KDM2B: variants seen among roughly 807,000 people sequenced by gnomAD.
The protein encoded by KDM2B is lysine demethylase 2B.
Under a neutral mutation model 150.0 loss-of-function variants are expected in KDM2B, and 26 were observed. The ratio of observed to expected loss-of-function variants is 0.17; its 90% CI spans 0.13 to 0.24. The LOEUF is 0.24. Ranked by LOEUF, KDM2B falls within the 10% of genes least tolerant of loss-of-function variation. KDM2B has a pLI of 1.00. For synonymous variants in KDM2B, 734 were observed against 729.5 expected (o/e 1.01, Z -0.10); for missense variants, 1,265 against 1,816.9 (o/e 0.70, Z 5.52).
intron 1 of KDM2B, chr12:121,579,631 C>T (rs1555317535): frequency 7.5e-7 from 1 of 1,331,076 alleles, no homozygotes; most frequent in Admixed American, 2.2e-5. Context: ...CCTCATCTCC[C>T]CACAAGCGCG....
chr12:121,416,051 C>G, the KDM2B span: 1 of 838,540 alleles, frequency 1.2e-6, no homozygotes, highest in Non-Finnish European at 1.9e-6. Flanking sequence ...ATAGTAATCT[C>G]AAAGTTATTG....
At chr12:121,459,084 CAAA>C (rs60165748) in intron 12 of KDM2B, among the ~76,000 whole-genome samples, 4 of 102,388 alleles carry the variant, frequency 3.9e-5, no homozygotes, top group Non-Finnish European at 4.1e-5. Flanking sequence ...GACTCTGCCT[CAAA>C]AAAAAAAAAA....
At chr12:121,526,529 G>A (rs1555306807) in intron 8 of KDM2B, among the ~76,000 whole-genome samples, 2 of 151,994 alleles carry the variant, frequency 1.3e-5, no homozygotes, top group African/African-American at 4.8e-5. Context: ...CTCTGACCTG[G>A]TCACTGTGAG....
At chr12:121,444,341 AG>A in intron 15 of KDM2B, 69 bp from the exon 16 acceptor site, 1 of 1,607,436 alleles carries the variant, frequency 6.2e-7, no homozygotes, top group Non-Finnish European at 8.5e-7. Context: ...CCTCCTCCCC[AG>A]GCCGACGGCA....
intron 8 of KDM2B, among the ~76,000 whole-genome samples, chr12:121,525,016 G>A (rs1887008519): frequency 6.6e-6 from 1 of 152,162 alleles, no homozygotes; most frequent in Non-Finnish European, 1.5e-5. Flanking sequence ...GGCTTTAGCA[G>A]GAATAAACCT....
chr12:121,481,219 C>T (rs1333844393), intron 12 of KDM2B, among the ~76,000 whole-genome samples: 1 of 152,162 alleles, frequency 6.6e-6, no homozygotes, highest in East Asian at 1.9e-4. Context: ...AGCCACCGGG[C>T]CCAGCCGATG....
intron 12 of KDM2B, chr12:121,494,061 T>C (rs4980995): frequency 0.42 from 64,717 of 153,902 alleles, 13,939 homozygotes; most frequent in Middle Eastern, 0.53. Context: ...TTTTGCCATG[T>C]TGGCCAGGCT....
Position 121,557,636 on chromosome 12 carries a change from A to T in KDM2B, c.398-7998T>A, listed in dbSNP as rs139241627. Among the ~76,000 whole-genome samples the T allele has an allele frequency of 5.0e-3, 760 of 152,308 alleles. 21 individuals carry two copies. The highest frequency in any genetic ancestry group is 0.044 in the Admixed American group (673 of 15,280). On this transcript the variant is annotated intron_variant, in intron 4 of 22. Coordinates refer to ENST00000377071, the MANE Select transcript of KDM2B (RefSeq NM_032590.5). ...GTGACGCAGCTACAAGCCAAGGCGC[A>T]CTAAGCACTGCCAGCCACCACCAGA...
Position 121,445,114 on chromosome 12 carries a change from C to T in KDM2B, c.2103+161G>A, listed in dbSNP as rs936542776. On this transcript the variant is annotated intron_variant, in intron 14 of 22. Transcript: ENST00000377071. ...CTGGGTCTCTGAGGTACTCCAGGCCCTCCTTGCCCCGGGCTTATCCCTTGA... is the reference window on the plus strand; with the variant it reads ...CTGGGTCTCTGAGGTACTCCAGGCCTTCCTTGCCCCGGGCTTATCCCTTGA... 3.0e-5 allele frequency: 23 copies of T among 759,506 alleles called. No homozygotes were observed. In the Admixed American group the frequency reaches 4.9e-4, roughly 16 times the overall value. The allele number at this position is 759,506 out of a possible 1,614,324, so 47.0% of individuals were successfully genotyped here.
chr12:121,521,359 C>CA lies in KDM2B; in HGVS notation c.932-260dup, dbSNP rs1886675739. On this transcript the variant is annotated intron_variant, in intron 8 of 22. Transcript: ENST00000377071. The surrounding 1 kb of genome is among the most constrained non-coding windows in gnomAD (Gnocchi z 4.9). The stretch of plus-strand genomic sequence containing the variant: ...AGCTGGGAAGCTGCAGATCAGCCCC[C>CA]ACTTCTTGAGGACCGTGATGACAAA... Among the ~76,000 whole-genome samples, 1 of 152,160 alleles carries CA rather than the reference C, an allele frequency of 6.6e-6. No individual in the cohort carries two copies.
At chr12:121,441,680 G>A (rs757449481) in intron 19 of KDM2B, among the ~76,000 whole-genome samples, 2 of 152,004 alleles carry the variant, frequency 1.3e-5, no homozygotes, top group East Asian at 3.9e-4. Flanking sequence ...CAAGTGATCC[G>A]CCCGCAAAGC....
At position 121,574,460 on chromosome 12, in the gene KDM2B, T is replaced by C. The variant is rs891180865; in HGVS notation, c.397+87A>G. 3.1e-6 allele frequency: 4 copies of C among 1,308,744 alleles called. No individual in the cohort carries two copies. The African/African-American group carries it at 4.4e-5, about 14-fold the overall frequency. The allele number at this position is 1,308,744 out of a possible 1,614,324, so 81.1% of individuals were successfully genotyped here. A position where few individuals can be genotyped will look rare whatever the true frequency, so the allele number is the denominator to read the frequency against. On this transcript the variant is annotated intron_variant, in intron 4 of 22. Coordinates refer to ENST00000377071, the MANE Select transcript of KDM2B (RefSeq NM_032590.5). ...TGGGGACTTTGTTTTGAGAGGCAGTTAAAAGTCTAAATGGGCAGGTGGTGA... is the reference window on the plus strand; with the variant it reads ...TGGGGACTTTGTTTTGAGAGGCAGTCAAAAGTCTAAATGGGCAGGTGGTGA...
At chr12:121,573,745 G>A (rs1310164420) in intron 4 of KDM2B, among the ~76,000 whole-genome samples, 5 of 151,956 alleles carry the variant, frequency 3.3e-5, no homozygotes, top group Admixed American at 6.6e-5. Context: ...CCGCCACCAC[G>A]CCTGGCTAAT....
the KDM2B span, among the ~76,000 whole-genome samples, chr12:121,415,636 A>G: frequency 6.6e-6 from 1 of 151,888 alleles, no homozygotes; most frequent in East Asian, 1.9e-4. Context: ...TTTATTTTAA[A>G]TAAATAAATA....
At chr12:121,494,354 C>T in intron 12 of KDM2B, 1 of 472,028 alleles carries the variant, frequency 2.1e-6, no homozygotes, top group Non-Finnish European at 3.8e-6. Flanking sequence ...CCCCAGTTTT[C>T]CAAGTGACCA....
chr12:121,445,245 A>G, intron 14 of KDM2B, 30 bp downstream of exon 14: 2 of 1,607,080 alleles, frequency 1.2e-6, no homozygotes, highest in Non-Finnish European at 1.7e-6. Context: ...CCAGAGCGTC[A>G]GCACCACCTG....
rs1878915146 is a variant in KDM2B, at chr12:121,460,284, T to C, written c.1735-6940A>G. Reference sequence around the variant, plus strand: ...AAAGAAAGACATGCAACCACATAAATGCAATGCAACATCATTATGATGACA... The same window carrying C: ...AAAGAAAGACATGCAACCACATAAACGCAATGCAACATCATTATGATGACA... On this transcript the variant is annotated intron_variant, in intron 12 of 22. Transcript: ENST00000377071. Among the ~76,000 whole-genome samples the C allele has an allele frequency of 2.0e-5, 3 of 152,334 alleles. No individual in the cohort carries two copies. In the Middle Eastern group the frequency reaches 0.01, roughly 518 times the overall value.
At chr12:121,440,405 C>T in intron 21 of KDM2B, 1 of 428,624 alleles carries the variant, frequency 2.3e-6, no homozygotes, top group Non-Finnish European at 4.3e-6. Flanking sequence ...GCAGTCCAGC[C>T]CAGTCCAGGG....
intron 13 of KDM2B, among the ~76,000 whole-genome samples, chr12:121,449,091 G>C (rs1237911729): frequency 6.6e-6 from 1 of 152,076 alleles, no homozygotes; most frequent in African/African-American, 2.4e-5. Context: ...AAGAGGGTCT[G>C]TGGTGGGGTG....
Sources: gnomAD v4.1 joint callset for allele counts (sites outside exome capture counted in the v4.1 genomes callset) on GRCh38, gnomAD v4.1.1 for gene constraint, Gnocchi (gnomAD v3.1) non-coding constraint, MANE v1.5 for transcripts, NCBI Gene and HGNC (gene_info 2026-07-23, HGNC 2026-07-21) for gene names.